Variants in NALCN observed in about 807,000 individuals in gnomAD.
NALCN encodes sodium leak channel, non-selective.
Under a neutral mutation model 225.3 loss-of-function variants are expected in NALCN, and 111 were observed. That is an observed-to-expected ratio of 0.49 (90% CI 0.42 to 0.58). The LOEUF is 0.58. Ranked by LOEUF, NALCN falls within the 20% of genes least tolerant of loss-of-function variation. The pLI is 0.00. For missense variants in NALCN, 1,378 were observed against 2,202.4 expected, an observed-to-expected ratio of 0.63 and a Z score of 7.49; for synonymous variants, 764 against 769.0, an observed-to-expected ratio of 0.99 and a Z score of 0.11.
At position 101,346,083 on chromosome 13, in the gene NALCN, C is replaced by A. The variant is rs1284898149; in HGVS notation, c.645-663G>T. Reference sequence around the variant, plus strand: ...TCTCTCTCTCTCTCTCTCTCTCTCTCTCTCTATATATATATATATATATAT... The same window carrying A: ...TCTCTCTCTCTCTCTCTCTCTCTCTATCTCTATATATATATATATATATAT... On this transcript the variant is annotated intron_variant, in intron 6 of 43. Transcript: ENST00000251127. Among the ~76,000 whole-genome samples the A allele has an allele frequency of 4.4e-3, 371 of 84,198 alleles. 3 individuals are homozygous for A. Among genetic ancestry groups the A allele is most frequent in the East Asian group, 0.027 (90 of 3,378 alleles). The allele number at this position is 84,198 out of a possible 152,430, so 55.2% of individuals were successfully genotyped here.
At chr13:101,191,807 G>T in intron 14 of NALCN, 110 bp downstream of exon 14, 2 of 1,088,342 alleles carry the variant, frequency 1.8e-6, no homozygotes, top group Non-Finnish European at 2.6e-6. Context: ...AGATTAGTCT[G>T]CATTAGTCCT....
At position 101,110,799 on chromosome 13, in the gene NALCN, T is replaced by C. The variant is rs1336403827; in HGVS notation, c.2295-111A>G. On this transcript the variant is annotated intron_variant, in intron 19 of 43. Transcript: ENST00000251127. ...ACTTTTTCTGCTACAACGCCACAAA[T>C]GCCTATGATTTCTTTTCATAGCAGA... is the stretch of plus-strand genomic sequence containing the variant. 25 of 1,048,590 alleles carry C rather than the reference T, an allele frequency of 2.4e-5. No homozygotes were observed. The Admixed American group carries it at 4.5e-4, about 19-fold the overall frequency. The allele number at this position is 1,048,590 out of a possible 1,614,324, so 65.0% of individuals were successfully genotyped here.
At chr13:101,359,856 T>C (rs2046176868) in intron 6 of NALCN, among the ~76,000 whole-genome samples, 1 of 152,184 alleles carries the variant, frequency 6.6e-6, no homozygotes, top group African/African-American at 2.4e-5. Flanking sequence ...ACTGAGGCTT[T>C]CTTCCAGATC....
At chr13:101,315,245 G>C (rs1188923897) in intron 7 of NALCN, among the ~76,000 whole-genome samples, 1 of 152,104 alleles carries the variant, frequency 6.6e-6, no homozygotes, top group Non-Finnish European at 1.5e-5. Context: ...ATTAATTCTA[G>C]AAAGTCTAGA....
Position 101,317,341 on chromosome 13 carries a change from T to A in NALCN, c.800-24975A>T, listed in dbSNP as rs2044587718. 3.3e-5 allele frequency among the ~76,000 whole-genome samples: 5 copies of A among 152,212 alleles called. No individual in the cohort carries two copies. The South Asian group carries it at 1.0e-3, about 31-fold the overall frequency. On this transcript the variant is annotated intron_variant, in intron 7 of 43. Transcript: ENST00000251127. ...AGACATTTTACTCATAAACTAGACA[T>A]CCTCTGGAAATGCTATGAAAGTCAA... is the stretch of plus-strand genomic sequence containing the variant.
intron 12 of NALCN, among the ~76,000 whole-genome samples, chr13:101,231,602 T>A (rs993081505): frequency 6.6e-6 from 1 of 152,184 alleles, no homozygotes; most frequent in Admixed American, 6.5e-5. Flanking sequence ...TTCAGAGATA[T>A]TAACATAGGA....
rs1048738155 is a variant in NALCN, at chr13:101,160,543, A to G, written c.1840-15647T>C. On this transcript the variant is annotated intron_variant, in intron 15 of 43. Transcript: ENST00000251127. ...ATTATCTCAGCTCCTCTTTTCTGTT[A>G]CCTTTGCCTAGACTGTTAAATTACA... is the stretch of plus-strand genomic sequence containing the variant. Among the ~76,000 whole-genome samples the G allele has an allele frequency of 1.1e-4, 17 of 152,096 alleles. 1 individual carries two copies. The South Asian group carries it at 3.5e-3, about 32-fold the overall frequency.
Position 101,235,931 on chromosome 13 carries a change from C to A in NALCN, c.1434+1824G>T, listed in dbSNP as rs980492366. On this transcript the variant is annotated intron_variant, in intron 12 of 43. Transcript: ENST00000251127. ...TTTTGGTATTACTAATAAATAAAAT[C>A]AATAAAGTTGCAATGCATGTTCTTT... Among the ~76,000 whole-genome samples the A allele has an allele frequency of 2.6e-5, 4 of 152,198 alleles. No homozygotes were observed. The East Asian group carries it at 7.7e-4, about 29-fold the overall frequency.
intron 18 of NALCN, among the ~76,000 whole-genome samples, chr13:101,120,543 A>G (rs999863336): frequency 3.3e-5 from 5 of 152,122 alleles, no homozygotes; most frequent in African/African-American, 1.2e-4. Flanking sequence ...AAACCACTAT[A>G]AAAGTCAGTT....
At chr13:101,233,883 C>T (rs1203635401) in intron 12 of NALCN, among the ~76,000 whole-genome samples, 1 of 152,186 alleles carries the variant, frequency 6.6e-6, no homozygotes, top group South Asian at 2.1e-4. Context: ...TGATTTCCCA[C>T]AGGCCATGCT....
chr13:101,248,289 TA>T (rs1476254085), intron 11 of NALCN, among the ~76,000 whole-genome samples: 1 of 152,178 alleles, frequency 6.6e-6, no homozygotes, highest in Non-Finnish European at 1.5e-5. Context: ...AGGGACTTAA[TA>T]GTTCAAAATA....
At chr13:101,080,742 A>G (rs2033592835) in intron 34 of NALCN, among the ~76,000 whole-genome samples, 1 of 134,544 alleles carries the variant, frequency 7.4e-6, no homozygotes, top group South Asian at 2.6e-4. Context: ...AATAAAATAT[A>G]TTACATAATT....
intron 11 of NALCN, among the ~76,000 whole-genome samples, chr13:101,238,624 C>T (rs1001593165): frequency 1.3e-5 from 2 of 151,750 alleles, no homozygotes; most frequent in African/African-American, 4.8e-5. Flanking sequence ...GTCCTATGAA[C>T]AAGAATTTTC....
chr13:101,112,315 A>G (rs1424778696), intron 18 of NALCN, among the ~76,000 whole-genome samples: 1 of 152,212 alleles, frequency 6.6e-6, no homozygotes, highest in Admixed American at 6.5e-5. Flanking sequence ...TTTTAAAAAC[A>G]TGTTCTTTTT....
intron 13 of NALCN, among the ~76,000 whole-genome samples, chr13:101,225,695 T>G (rs754093624): frequency 5.4e-4 from 82 of 152,114 alleles, no homozygotes; most frequent in Non-Finnish European, 9.3e-4. Flanking sequence ...TGCTTCTATC[T>G]CAACCAATCA....
chr13:101,102,698 T>A (rs994719819), intron 26 of NALCN, among the ~76,000 whole-genome samples: 2 of 152,202 alleles, frequency 1.3e-5, no homozygotes, highest in Non-Finnish European at 2.9e-5. Context: ...TACCTATATG[T>A]TGCATTTTTA....
chr13:101,124,848 C>T, intron 17 of NALCN, among the ~76,000 whole-genome samples, 167 bp from the exon 18 acceptor site: 1 of 152,146 alleles, frequency 6.6e-6, no homozygotes, highest in South Asian at 2.1e-4. Context: ...ATTTGGGCAG[C>T]ACCATGAACA....
At chr13:101,177,361 C>T (rs1418414788) in intron 14 of NALCN, among the ~76,000 whole-genome samples, 1 of 148,334 alleles carries the variant, frequency 6.7e-6, no homozygotes, top group Non-Finnish European at 1.5e-5. Flanking sequence ...ACCTAATACA[C>T]TGGTGAATTT....
At position 101,141,957 on chromosome 13, in the gene NALCN, T is replaced by A. The variant is rs1359656356; in HGVS notation, c.2118+1123A>T. On this transcript the variant is annotated intron_variant, in intron 17 of 43. Coordinates refer to ENST00000251127, the MANE Select transcript of NALCN (RefSeq NM_052867.4). Reference sequence around the variant, plus strand: ...TGCAAACTCTACTGTTTAATCTCTTTAATATTAAAGGACAATTATTAATCT... The same window carrying A: ...TGCAAACTCTACTGTTTAATCTCTTAAATATTAAAGGACAATTATTAATCT... 2.6e-5 allele frequency among the ~76,000 whole-genome samples: 4 copies of A among 152,168 alleles called. No homozygotes were observed. In the East Asian group the frequency reaches 7.7e-4, roughly 29 times the overall value.
Sources: allele counts gnomAD v4.1 joint callset (sites outside exome capture counted in the v4.1 genomes callset), GRCh38; gene constraint gnomAD v4.1.1; transcripts MANE v1.5; gene names NCBI Gene and HGNC (gene_info 2026-07-23, HGNC 2026-07-21).